Variants in ADAMTSL3 observed in about 807,000 individuals in gnomAD.
ADAMTSL3 encodes ADAMTS-like protein 3.
In ADAMTSL3, 128 loss-of-function variants were observed where a neutral mutation model predicts 201.7. The ratio of observed to expected loss-of-function variants is 0.63; its 90% CI spans 0.55 to 0.73. The LOEUF (loss-of-function observed/expected upper bound fraction) is 0.73. Ranked by LOEUF, ADAMTSL3 falls within the 30% of genes least tolerant of loss-of-function variation. The probability of loss-of-function intolerance (pLI) is 0.00; values close to 1 mark genes in which losing one functional copy is unlikely to be tolerated. For missense variants in ADAMTSL3, 1,990 were observed against 2,119.6 expected (o/e 0.94, Z 1.20); for synonymous variants, 738 against 748.4 (o/e 0.99, Z 0.23).
At chr15:83,770,367 T>C (rs2062960961) in intron 3 of ADAMTSL3, among the ~76,000 whole-genome samples, 1 of 152,228 alleles carries the variant, frequency 6.6e-6, no homozygotes, top group South Asian at 2.1e-4. Context: ...TTTCCTGTCT[T>C]TTCCCAACAA....
intron 3 of ADAMTSL3, among the ~76,000 whole-genome samples, chr15:83,767,254 G>A (rs1405014251): frequency 2.0e-5 from 3 of 152,122 alleles, no homozygotes; most frequent in African/African-American, 7.2e-5. Context: ...CAGTACTCAC[G>A]CTGTGCATTA....
In ADAMTSL3 at chr15:83,970,554, G is replaced by A. The variant is rs186769437; in HGVS notation, c.2561G>A (p.Arg854Gln). The A allele has an allele frequency of 5.0e-6, 8 of 1,614,184 alleles. No individual in the cohort carries two copies. In the Admixed American group the frequency reaches 6.7e-5, roughly 13 times the overall value. The change falls in exon 20 of 30, where the codon CGG becomes CAG. Residue 854 changes from arginine to glutamine, a missense_variant. Physicochemically the swap from Arg to Gln is conservative, Grantham distance 43. Transcript: ENST00000286744. The stretch of plus-strand genomic sequence containing the variant: ...TGTCAAAGGCTGGCAGCCAAAGGTC[G>A]GCGCATCCCCCTCAGTGAGATGATG... ...QVCQRLAAKG[R>Q]RIPLSEMMCR...
intron 20 of ADAMTSL3, among the ~76,000 whole-genome samples, chr15:83,972,271 A>AT (rs1490333531): frequency 6.6e-6 from 1 of 152,016 alleles, no homozygotes. Flanking sequence ...CAACATTAAC[A>AT]TTTTTTTCCT....
At chr15:83,974,122 A>G (rs893049903) in intron 20 of ADAMTSL3, among the ~76,000 whole-genome samples, 4 of 152,166 alleles carry the variant, frequency 2.6e-5, no homozygotes, top group African/African-American at 9.7e-5. Flanking sequence ...ATAGCTAGTG[A>G]CTGAAGTTCT....
chr15:83,888,243 G>A (rs2065435791), intron 10 of ADAMTSL3, among the ~76,000 whole-genome samples: 2 of 152,206 alleles, frequency 1.3e-5, no homozygotes, highest in Admixed American at 6.5e-5. Flanking sequence ...CAATACATTT[G>A]TTCAAGATAT....
chr15:83,737,064 T>A lies in ADAMTSL3; in HGVS notation c.189+32556T>A, dbSNP rs147412400. 2.9e-3 allele frequency among the ~76,000 whole-genome samples: 440 copies of A among 152,256 alleles called. 3 individuals are homozygous for A. Among genetic ancestry groups the A allele is most frequent in the African/African-American group, 1.0e-2 (415 of 41,560 alleles). ...TCCTTATGTAATGTTAAGGAAACTA[T>A]TACATTATGGAAAAGAAACAATTAG... On this transcript the variant is annotated intron_variant, in intron 3 of 29. Coordinates refer to ENST00000286744, the MANE Select transcript of ADAMTSL3 (RefSeq NM_207517.3).
At chr15:83,662,931 T>G (rs1348969895) in intron 2 of ADAMTSL3, among the ~76,000 whole-genome samples, 2 of 152,184 alleles carry the variant, frequency 1.3e-5, no homozygotes, top group Admixed American at 6.5e-5. Context: ...GCCCTCTGGG[T>G]AGCAGATGTG....
At chr15:83,968,093 T>C (rs557403111) in intron 19 of ADAMTSL3, among the ~76,000 whole-genome samples, 1 of 152,254 alleles carries the variant, frequency 6.6e-6, no homozygotes, top group East Asian at 1.9e-4. Flanking sequence ...TAAGAAAAAC[T>C]AGGCAGTGCC....
chr15:83,942,318 A>G (rs544000483), intron 17 of ADAMTSL3, among the ~76,000 whole-genome samples: 1 of 152,356 alleles, frequency 6.6e-6, no homozygotes, highest in East Asian at 1.9e-4. Flanking sequence ...TTTTTGATAT[A>G]TAGTGGTAGG....
chr15:83,888,315 A>G (rs2065437201), intron 10 of ADAMTSL3, among the ~76,000 whole-genome samples: 1 of 152,272 alleles, frequency 6.6e-6, no homozygotes, highest in Non-Finnish European at 1.5e-5. Flanking sequence ...ATAAAACAAA[A>G]GAGGAAAATT....
At chr15:83,854,855 G>A (rs1284516460) in intron 7 of ADAMTSL3, among the ~76,000 whole-genome samples, 2 of 152,154 alleles carry the variant, frequency 1.3e-5, no homozygotes, top group African/African-American at 4.8e-5. Flanking sequence ...TGTCCAAAAT[G>A]TAGCCAGTGG....
Position 84,016,515 on chromosome 15 carries a change from C to T in ADAMTSL3, c.4273+16C>T. The T allele has an allele frequency of 6.2e-7, 1 of 1,600,596 alleles. No homozygotes were observed. Among genetic ancestry groups the T allele is most frequent in the Non-Finnish European group, 8.6e-7 (1 of 1,168,152 alleles). On this transcript the variant is annotated intron_variant, in intron 25 of 29. Transcript: ENST00000286744. ...CCGCCTCAAGGTCTGGGATTTTGAC[C>T]TTTTCAGATTTGCTATGTGTGAGGC...
chr15:83,949,873 T>G (rs575137149), intron 19 of ADAMTSL3, among the ~76,000 whole-genome samples: 1 of 152,256 alleles, frequency 6.6e-6, no homozygotes, highest in African/African-American at 2.4e-5. Context: ...TTTTTTTTCC[T>G]ATAGAGTTGT....
In ADAMTSL3 at chr15:84,038,242, T is replaced by C. The variant is rs2068545790; in HGVS notation, c.*436T>C. The C allele has an allele frequency of 1.3e-5, 2 of 156,228 alleles. No individual in the cohort carries two copies. Among genetic ancestry groups the C allele is most frequent in the Admixed American group, 1.3e-4 (2 of 15,750 alleles). 9.7% of individuals were successfully genotyped at this position (156,228 alleles called of 1,614,324 possible). A position where few individuals can be genotyped will look rare whatever the true frequency, so the allele number is the denominator to read the frequency against. ...GTTTTCAACAGTTTTATAAGGTATT[T>C]GCATTTTAGAAGCTCTGGCCAGTAG... is the stretch of plus-strand genomic sequence containing the variant. On this transcript the variant is annotated 3_prime_UTR_variant, in exon 30 of 30. Transcript: ENST00000286744.
chr15:83,662,729 C>G (rs1397049292), intron 2 of ADAMTSL3, among the ~76,000 whole-genome samples: 1 of 152,128 alleles, frequency 6.6e-6, no homozygotes, highest in Non-Finnish European at 1.5e-5. Flanking sequence ...TCTTTTCCCT[C>G]TACCATGGAA....
At chr15:83,779,110 A>G (rs369780161) in intron 4 of ADAMTSL3, among the ~76,000 whole-genome samples, 112 of 152,354 alleles carry the variant, frequency 7.4e-4, no homozygotes, top group African/African-American at 2.1e-3. Context: ...CCAAATTCAT[A>G]AAGCAAATTC....
intron 7 of ADAMTSL3, among the ~76,000 whole-genome samples, chr15:83,849,627 T>C (rs970672334): frequency 6.6e-5 from 10 of 152,182 alleles, no homozygotes; most frequent in African/African-American, 2.4e-4. Flanking sequence ...TTCCTCTCTT[T>C]ATCATCGCCT....
chr15:83,690,397 A>T (rs1434448098), intron 2 of ADAMTSL3, among the ~76,000 whole-genome samples: 1 of 152,024 alleles, frequency 6.6e-6, no homozygotes, highest in Non-Finnish European at 1.5e-5. Flanking sequence ...GCAGAGCTAC[A>T]CACCGTTCAT....
rs576808851 is a variant in ADAMTSL3, at chr15:83,850,196, C to G, written c.728-8570C>G. 3.2e-3 allele frequency among the ~76,000 whole-genome samples: 488 copies of G among 152,180 alleles called. 2 individuals carry two copies. The highest frequency in any genetic ancestry group is 0.011 in the African/African-American group (461 of 41,520). Reference sequence around the variant, plus strand: ...CCTGCTTCCTCCCGCTACGGAGGCACAAATGTCTGTCTTCCTTTCCAAGAC... The same window carrying G: ...CCTGCTTCCTCCCGCTACGGAGGCAGAAATGTCTGTCTTCCTTTCCAAGAC... On this transcript the variant is annotated intron_variant, in intron 7 of 29. Transcript: ENST00000286744.
Sources: gnomAD v4.1 joint callset for allele counts (sites outside exome capture counted in the v4.1 genomes callset) on GRCh38, gnomAD v4.1.1 for gene constraint, MANE v1.5 for transcripts, NCBI Gene and HGNC (gene_info 2026-07-23, HGNC 2026-07-21) for gene names.